CCDC122: variants seen among roughly 807,000 people sequenced by gnomAD.
CCDC122 encodes the protein coiled-coil domain containing 122.
A neutral mutation model predicts 37.0 loss-of-function variants in CCDC122; 38 were observed. The ratio of observed to expected loss-of-function variants is 1.03; its 90% CI spans 0.79 to 1.35. The LOEUF is 1.35. Ranked by LOEUF, CCDC122 falls within the 40% of genes most tolerant of loss-of-function variation. CCDC122 has a pLI of 0.00. For synonymous variants in CCDC122, 83 were observed against 95.6 expected (o/e 0.87, Z 0.77); for missense variants, 305 against 310.0 (o/e 0.98, Z 0.12).
At chr13:43,831,195 A>G (rs1953085811) in intron 3 of CCDC122, among the ~76,000 whole-genome samples, 2 of 151,994 alleles carry the variant, frequency 1.3e-5, no homozygotes, top group Admixed American at 6.5e-5. Flanking sequence ...ATTTTAAAGA[A>G]CGACACTTGA....
chr13:43,851,827 T>C (rs1481882822), intron 6 of CCDC122, among the ~76,000 whole-genome samples: 1 of 152,144 alleles, frequency 6.6e-6, no homozygotes, highest in African/African-American at 2.4e-5. Flanking sequence ...CCCCCAGAGT[T>C]ACAGCACACA....
chr13:43,836,448 G>T lies in CCDC122; in HGVS notation c.*832C>A, dbSNP rs1249453266. On this transcript the variant is annotated 3_prime_UTR_variant, in exon 7 of 7. Transcript: ENST00000444614. ...TGATTGTTACCTTCTGGATAAAAGAGAAAATGGAGTAAAATATTTGAAGCA... is the reference window on the plus strand; with the variant it reads ...TGATTGTTACCTTCTGGATAAAAGATAAAATGGAGTAAAATATTTGAAGCA... 1 of 152,186 alleles carries T rather than the reference G, an allele frequency of 6.6e-6. No homozygotes were observed. The highest frequency in any genetic ancestry group is 2.4e-5 in the African/African-American group (1 of 41,432). 9.4% of individuals were successfully genotyped at this position (152,186 alleles called of 1,614,324 possible). A position where few individuals can be genotyped will look rare whatever the true frequency, so the allele number is the denominator to read the frequency against.
chr13:43,846,250 T>G (rs886210184), intron 6 of CCDC122, among the ~76,000 whole-genome samples: 1 of 152,128 alleles, frequency 6.6e-6, no homozygotes. Context: ...AATTTTTGTA[T>G]TTTTAGTAAG....
chr13:43,868,489 T>A (rs894436047), intron 4 of CCDC122, among the ~76,000 whole-genome samples: 1 of 152,092 alleles, frequency 6.6e-6, no homozygotes, highest in Non-Finnish European at 1.5e-5. Context: ...ACAGTTGCAA[T>A]GACATTGTTG....
At chr13:43,833,288 G>A (rs1953107796), downstream of CCDC122, among the ~76,000 whole-genome samples, 1 of 152,030 alleles carries the variant, frequency 6.6e-6, no homozygotes, top group African/African-American at 2.4e-5. Flanking sequence ...GACCATTTAG[G>A]TAACAGTGCC....
chr13:43,820,377 G>A (rs530362368), downstream of CCDC122, among the ~76,000 whole-genome samples: 4 of 152,176 alleles, frequency 2.6e-5, no homozygotes, highest in Non-Finnish European at 4.4e-5. Context: ...GGTCTAAGGC[G>A]GGGAATATAG....
At chr13:43,828,555 TACACACACACACACACAC>T (rs56901535) in intron 3 of CCDC122, among the ~76,000 whole-genome samples, 21 of 146,244 alleles carry the variant, frequency 1.4e-4, no homozygotes, top group East Asian at 6.1e-4. Context: ...TATAGACAGA[TACACACACACACACACAC>T]ACACACACAC....
At chr13:43,862,550 G>T (rs1392445654) in intron 4 of CCDC122, among the ~76,000 whole-genome samples, 3 of 151,906 alleles carry the variant, frequency 2.0e-5, no homozygotes, top group African/African-American at 7.3e-5. Flanking sequence ...TTAATTTATT[G>T]CTTGCTTCCC....
At chr13:43,868,635 C>A in intron 4 of CCDC122, 59 bp downstream of exon 4, 2 of 836,024 alleles carry the variant, frequency 2.4e-6, no homozygotes, top group South Asian at 3.8e-5. Flanking sequence ...TTAATAATCT[C>A]CTGGTCATTT....
At chr13:43,871,537 C>T (rs1954453300) in intron 2 of CCDC122, among the ~76,000 whole-genome samples, 1 of 152,124 alleles carries the variant, frequency 6.6e-6, no homozygotes, top group African/African-American at 2.4e-5. Flanking sequence ...CATTCTTCAT[C>T]ATAAGAACCC....
At chr13:43,866,463 C>A (rs1367638068) in intron 4 of CCDC122, among the ~76,000 whole-genome samples, 1 of 152,148 alleles carries the variant, frequency 6.6e-6, no homozygotes, top group Admixed American at 6.5e-5. Flanking sequence ...CTATGTATTT[C>A]TCTCCCAAAA....
intron 1 of CCDC122, 122 bp downstream of exon 1, chr13:43,879,505 ACCGC>A (rs1954811953): frequency 6.6e-6 from 1 of 152,106 alleles, no homozygotes; most frequent in Non-Finnish European, 1.5e-5. Context: ...GACTCCGCGG[ACCGC>A]CCAGACCCGG....
At chr13:43,877,882 TAG>T (rs1418815422) in intron 1 of CCDC122, 4 of 152,220 alleles carry the variant, frequency 2.6e-5, no homozygotes, top group Non-Finnish European at 5.9e-5. Flanking sequence ...ATATTTGGGA[TAG>T]AGTCTCTACA....
chr13:43,871,723 A>C (rs937481522), intron 2 of CCDC122, among the ~76,000 whole-genome samples: 1 of 152,162 alleles, frequency 6.6e-6, no homozygotes, highest in Non-Finnish European at 1.5e-5. Context: ...ACTGAAGTCC[A>C]AAGATACAGC....
intron 6 of CCDC122, among the ~76,000 whole-genome samples, chr13:43,857,191 T>C (rs1953943237): frequency 1.3e-5 from 2 of 152,200 alleles, no homozygotes; most frequent in African/African-American, 2.4e-5. Flanking sequence ...ATGGTCTTTT[T>C]ATACCATTTG....
chr13:43,841,452 T>C (rs750265751), intron 6 of CCDC122, among the ~76,000 whole-genome samples: 7 of 152,328 alleles, frequency 4.6e-5, no homozygotes, highest in African/African-American at 9.6e-5. Context: ...AAGGTGTGAA[T>C]AGTATCTCAT....
At chr13:43,876,500 T>C in intron 1 of CCDC122, among the ~76,000 whole-genome samples, 1 of 151,876 alleles carries the variant, frequency 6.6e-6, no homozygotes, top group Non-Finnish European at 1.5e-5. Flanking sequence ...AGCTTATGTC[T>C]AAGCCTATCT....
chr13:43,860,257 TCA>T (rs1417347716), intron 4 of CCDC122, among the ~76,000 whole-genome samples, 187 bp from the exon 5 acceptor site: 4 of 152,044 alleles, frequency 2.6e-5, no homozygotes, highest in African/African-American at 9.7e-5. Context: ...CAGAAGGACC[TCA>T]GTTATATATT....
intron 6 of CCDC122, among the ~76,000 whole-genome samples, chr13:43,857,481 T>C (rs2590932): frequency 3.4e-4 from 51 of 150,492 alleles, no homozygotes; most frequent in African/African-American, 1.1e-3. Context: ...TGTGTGTGTG[T>C]GCACGTGTGT....
Sources: gnomAD v4.1 joint callset for allele counts (sites outside exome capture counted in the v4.1 genomes callset) on GRCh38, gnomAD v4.1.1 for gene constraint, MANE v1.5 for transcripts, NCBI Gene and HGNC (gene_info 2026-07-23, HGNC 2026-07-21) for gene names.